Variants in RBFOX1 observed in about 807,000 individuals in gnomAD.
RBFOX1 encodes RNA binding protein fox-1 homolog 1.
In RBFOX1, 8 loss-of-function variants were observed where a neutral mutation model predicts 57.7. The ratio of observed to expected loss-of-function variants is 0.14; its 90% CI spans 0.08 to 0.25. The LOEUF is 0.25. Among genes scored for constraint, RBFOX1 ranks in the 10% least tolerant of loss-of-function variants. The pLI, the probability that RBFOX1 is intolerant of heterozygous loss-of-function variation, is 1.00. For synonymous variants in RBFOX1, 326 were observed against 222.4 expected, an observed-to-expected ratio of 1.47 and a Z score of -4.15; for missense variants, 611 against 548.5, an observed-to-expected ratio of 1.11 and a Z score of -1.14.
chr16:6,531,506 A>AT (rs2096657760), intron 2 of RBFOX1, among the ~76,000 whole-genome samples: 1 of 152,178 alleles, frequency 6.6e-6, no homozygotes, highest in South Asian at 2.1e-4. Context: ...AAATGGTGAA[A>AT]TATTTTTACT....
At chr16:7,124,619 C>G (rs1383826184) in intron 4 of RBFOX1, among the ~76,000 whole-genome samples, 1 of 145,378 alleles carries the variant, frequency 6.9e-6, no homozygotes, top group Non-Finnish European at 1.5e-5. Flanking sequence ...AATGTCTTCA[C>G]CAATAGGGCA....
At chr16:6,000,281 C>T (rs752487309) in intron 4 of RBFOX1, among the ~76,000 whole-genome samples, 6 of 152,158 alleles carry the variant, frequency 3.9e-5, no homozygotes, top group Admixed American at 3.9e-4. Flanking sequence ...CTTCCTGAGT[C>T]TGGTTGGTTT....
chr16:6,178,047 A>T (rs1348314843), intron 1 of RBFOX1, among the ~76,000 whole-genome samples: 1 of 152,112 alleles, frequency 6.6e-6, no homozygotes, highest in East Asian at 1.9e-4. Flanking sequence ...TTAGTGTTTC[A>T]GGATTTTATT....
intron 2 of RBFOX1, among the ~76,000 whole-genome samples, chr16:6,492,254 G>C (rs2095649106): frequency 6.6e-6 from 1 of 152,124 alleles, no homozygotes; most frequent in Non-Finnish European, 1.5e-5. Flanking sequence ...TTCTTCTGTA[G>C]AGGACTATTT....
chr16:5,478,041 G>A (rs142026264), intron 2 of RBFOX1, among the ~76,000 whole-genome samples: 2 of 152,226 alleles, frequency 1.3e-5, no homozygotes, highest in African/African-American at 4.8e-5. Flanking sequence ...GGGATCAGGG[G>A]ATCCACACAC....
At chr16:5,411,936 T>C (rs725642) in intron 1 of RBFOX1, among the ~76,000 whole-genome samples, 3,255 of 152,202 alleles carry the variant, frequency 0.021, 111 homozygotes, top group African/African-American at 0.074. Flanking sequence ...AAGTGATTCA[T>C]CCTCTTCCTT....
chr16:5,772,473 T>C (rs2054012676), intron 3 of RBFOX1, among the ~76,000 whole-genome samples: 1 of 152,204 alleles, frequency 6.6e-6, no homozygotes, highest in South Asian at 2.1e-4. Flanking sequence ...TTGAGTTTAT[T>C]TCCCCATCAG....
intron 4 of RBFOX1, among the ~76,000 whole-genome samples, chr16:5,906,926 A>G (rs1267123475): frequency 6.6e-6 from 1 of 151,716 alleles, no homozygotes; most frequent in Non-Finnish European, 1.5e-5. Context: ...TAGTAGAGAC[A>G]GGGTTTCAAC....
chr16:7,143,249 G>A (rs2074227407), intron 4 of RBFOX1, among the ~76,000 whole-genome samples: 1 of 152,040 alleles, frequency 6.6e-6, no homozygotes, highest in Non-Finnish European at 1.5e-5. Context: ...AAATTAGAGA[G>A]AGAGAGAGGA....
intron 1 of RBFOX1, among the ~76,000 whole-genome samples, chr16:6,103,848 C>T (rs151188746): frequency 7.9e-5 from 12 of 152,248 alleles, no homozygotes; most frequent in Admixed American, 2.6e-4. Flanking sequence ...GTGAGGTCCA[C>T]CCGCCACAGG....
intron 3 of RBFOX1, among the ~76,000 whole-genome samples, chr16:6,774,960 TCTC>T (rs1369585359): frequency 3.3e-5 from 5 of 152,006 alleles, no homozygotes; most frequent in Non-Finnish European, 7.4e-5. Flanking sequence ...CCTAATCTCA[TCTC>T]CTCTTTAAAA....
chr16:6,383,081 C>G (rs922770217), intron 2 of RBFOX1, among the ~76,000 whole-genome samples: 2 of 152,170 alleles, frequency 1.3e-5, no homozygotes, highest in African/African-American at 4.8e-5. Context: ...TGCCCAGTCA[C>G]TTGCTGACAT....
At chr16:5,789,226 A>G (rs1371411099) in intron 3 of RBFOX1, among the ~76,000 whole-genome samples, 2 of 152,192 alleles carry the variant, frequency 1.3e-5, no homozygotes, top group South Asian at 2.1e-4. Flanking sequence ...ATAATACTTT[A>G]TAATCCTGGG....
At chr16:6,440,619 G>A (rs76840097) in intron 2 of RBFOX1, among the ~76,000 whole-genome samples, 14 of 151,988 alleles carry the variant, frequency 9.2e-5, no homozygotes, top group Non-Finnish European at 1.8e-4. Context: ...TGGCCAATAC[G>A]GTGAAAACCT....
chr16:7,014,682 C>G (rs78330888), intron 3 of RBFOX1, among the ~76,000 whole-genome samples: 98 of 152,174 alleles, frequency 6.4e-4, no homozygotes, highest in Middle Eastern at 3.4e-3. Context: ...GGAATGGAAT[C>G]TTGAGTGAGA....
At chr16:6,256,233 GTGTA>G (rs1285495399) in intron 1 of RBFOX1, among the ~76,000 whole-genome samples, 29 of 42,096 alleles carry the variant, frequency 6.9e-4, no homozygotes, top group African/African-American at 1.3e-3. Flanking sequence ...ATATATATAT[GTGTA>G]TATATATATG....
intron 3 of RBFOX1, among the ~76,000 whole-genome samples, chr16:6,693,727 A>ATCATAC (rs1332367438): frequency 6.6e-6 from 1 of 151,416 alleles, no homozygotes; most frequent in African/African-American, 2.4e-5. Flanking sequence ...CATCACCACC[A>ATCATAC]TCATCCTCAT....
chr16:7,247,536 C>T (rs1355047593), intron 4 of RBFOX1, among the ~76,000 whole-genome samples: 2 of 152,080 alleles, frequency 1.3e-5, no homozygotes, highest in Non-Finnish European at 2.9e-5. Flanking sequence ...CCTGTGCCTG[C>T]CACAATAATA....
intron 3 of RBFOX1, among the ~76,000 whole-genome samples, chr16:6,877,827 A>G (rs1440541164): frequency 2.0e-5 from 3 of 152,196 alleles, no homozygotes; most frequent in African/African-American, 7.2e-5. Flanking sequence ...TAAGTCATCT[A>G]ACAGTCTTCT....
Sources: allele counts gnomAD v4.1 joint callset (sites outside exome capture counted in the v4.1 genomes callset), GRCh38; gene constraint gnomAD v4.1.1; transcripts MANE v1.5; gene names NCBI Gene and HGNC (gene_info 2026-07-23, HGNC 2026-07-21).